Variants in UBQLNL observed in about 807,000 individuals in gnomAD.
UBQLNL encodes the protein ubiquilin like, also known as ubiquilin-like protein.
For missense variants in UBQLNL, 589 were observed against 567.1 expected (o/e 1.04, Z -0.39); for synonymous variants, 223 against 209.7 (o/e 1.06, Z -0.55).
Position 5,516,373 on chromosome 11 carries a change from G to T in UBQLNL, c.69C>A (p.Asp23Glu). The T allele has an allele frequency of 6.2e-7, 1 of 1,614,080 alleles. No homozygotes were observed. The highest frequency in any genetic ancestry group is 8.5e-7 in the Non-Finnish European group (1 of 1,180,002). ...QSGCPSGLLA[D>E]KNISSSATRV... The stretch of plus-strand genomic sequence containing the variant: ...GAGTGGCACTTGAAGAGATATTTTT[G>T]TCTGCCAGCAGACCTGATGGACATC... The change falls in exon 1 of 1, where the codon GAC (aspartate) becomes GAA (glutamate). Residue 23 changes from aspartate (D) to glutamate (E), a missense_variant. By Grantham distance (45) the Asp-to-Glu change is conservative. Transcript: ENST00000380184.
At position 5,515,560 on chromosome 11, in the gene UBQLNL, G is replaced by T. The variant is rs766229949; in HGVS notation, c.882C>A (p.Phe294Leu). Residue 294 changes from phenylalanine to leucine, a missense_variant, in exon 1 of 1, where the codon TTC becomes TTA. Transcript: ENST00000380184. Reference sequence around the variant, plus strand: ...GCACTTGTCCTGCCAGGAGAGCTGTGAAAGGGTTTCCTCCAAAAGGATCTT... The same window carrying T: ...GCACTTGTCCTGCCAGGAGAGCTGTTAAAGGGTTTCCTCCAAAAGGATCTT... ...SMQDPFGGNPFTALLAGQVLE... is the reference protein window; with the variant it reads ...SMQDPFGGNPLTALLAGQVLE... 14 of 1,614,148 alleles carry T rather than the reference G, an allele frequency of 8.7e-6. No individual in the cohort carries two copies. The Admixed American group carries it at 2.2e-4, about 25-fold the overall frequency.
In UBQLNL at chr11:5,515,003, T is replaced by C; in HGVS notation, c.*11A>G. 1 of 1,610,112 alleles carries C rather than the reference T, an allele frequency of 6.2e-7. No individual in the cohort carries two copies. The highest frequency in any genetic ancestry group is 8.5e-7 in the Non-Finnish European group (1 of 1,178,136). On this transcript the variant is annotated 3_prime_UTR_variant, in exon 1 of 1. Coordinates refer to ENST00000380184, the MANE Select transcript of UBQLNL (RefSeq NM_145053.5). ...CAATCTGCAATATTGCTTGGAATGC[T>C]TTAGGGTTGCCTAAGCACTAAGCAG...
In UBQLNL at chr11:5,515,831, A is replaced by G; in HGVS notation, c.611T>C (p.Leu204Ser). The change falls in exon 1 of 1, where the codon TTG becomes TCG. Residue 204 changes from leucine (L) to serine (S), a missense_variant. By Grantham distance (145) the Leu-to-Ser change is moderately radical. Coordinates refer to ENST00000380184, the MANE Select transcript of UBQLNL (RefSeq NM_145053.5). ...GGAAACTTCTGGGTTCTGCTGCATCAATTGTTGCGTGTCTAGATGTTCTGA... is the reference window on the plus strand; with the variant it reads ...GGAAACTTCTGGGTTCTGCTGCATCGATTGTTGCGTGTCTAGATGTTCTGA... The part of the protein sequence containing the change: ...FISEHLDTQQ[L>S]MQQNPEVSRL... 2 of 1,614,110 alleles carry G rather than the reference A, an allele frequency of 1.2e-6. No individual in the cohort carries two copies. The highest frequency in any genetic ancestry group is 1.7e-6 in the Non-Finnish European group (2 of 1,180,014).
At position 5,516,377 on chromosome 11, in the gene UBQLNL, G is replaced by T. The variant is rs1490015493; in HGVS notation, c.65C>A (p.Ala22Glu). Residue 22 changes from alanine (A) to glutamate (E), a missense_variant, in exon 1 of 1, where the codon GCA becomes GAA. Physicochemically the swap from Ala to Glu is moderately radical, Grantham distance 107. Transcript: ENST00000380184. The part of the protein sequence containing the change: ...SQSGCPSGLL[A>E]DKNISSSATR... ...GGCACTTGAAGAGATATTTTTGTCT[G>T]CCAGCAGACCTGATGGACATCCACT... 1.2e-6 allele frequency: 2 copies of T among 1,614,102 alleles called. No individual in the cohort carries two copies. The highest frequency in any genetic ancestry group is 1.7e-6 in the Non-Finnish European group (2 of 1,179,996).
chr11:5,516,202 T>G lies in UBQLNL; in HGVS notation c.240A>C (p.Lys80Asn), dbSNP rs1303213309. Residue 80 changes from lysine to asparagine, a missense_variant, in exon 1 of 1, where the codon AAA (lysine) becomes AAC (asparagine). Physicochemically the swap from Lys to Asn is moderately conservative, Grantham distance 94. Coordinates refer to ENST00000380184, the MANE Select transcript of UBQLNL (RefSeq NM_145053.5). ...CCCTCTGGCTCAGTGTGTCATGGTC[T>G]TTGAGAAGGCAACCCATGAAGACCA... ...LVLVFMGCLL[K>N]DHDTLSQRGI... The G allele has an allele frequency of 2.5e-6, 4 of 1,614,024 alleles. No homozygotes were observed. Among genetic ancestry groups the G allele is most frequent in the Admixed American group, 3.3e-5 (2 of 60,000 alleles).
At position 5,516,231 on chromosome 11, in the gene UBQLNL, C is replaced by T. The variant is rs1846535077; in HGVS notation, c.211G>A (p.Val71Met). 1.2e-6 allele frequency: 2 copies of T among 1,614,144 alleles called. No individual in the cohort carries two copies. The highest frequency in any genetic ancestry group is 1.7e-6 in the Non-Finnish European group (2 of 1,180,038). ...AHFQCQMDQL[V>M]LVFMGCLLKD... Reference sequence around the variant, plus strand: ...AGAAGGCAACCCATGAAGACCAGCACTAGTTGGTCCATCTGGCATTGGAAG... The same window carrying T: ...AGAAGGCAACCCATGAAGACCAGCATTAGTTGGTCCATCTGGCATTGGAAG... The change falls in exon 1 of 1, where the codon GTG becomes ATG. Residue 71 changes from valine (V) to methionine (M), a missense_variant. Val to Met is a conservative substitution (Grantham distance 21, BLOSUM62 1). Coordinates refer to ENST00000380184, the MANE Select transcript of UBQLNL (RefSeq NM_145053.5).
rs16932225 is a variant in UBQLNL, at chr11:5,515,666, C to T, written c.776G>A (p.Gly259Asp). ...ATTCCCACCTGGCATTGTCTCTAAG[C>T]CCAGATATGGCTGTGGGTTCAGTGG... ...EYPLNPQPYL[G>D]LETMPGGNNA... Residue 259 changes from glycine to aspartate, a missense_variant, in exon 1 of 1, where the codon GGC becomes GAC. Transcript: ENST00000380184. 5.0e-3 allele frequency: 8,095 copies of T among 1,614,062 alleles called. 301 individuals carry two copies. The African/African-American group carries it at 0.088, about 18-fold the overall frequency.
In UBQLNL at chr11:5,516,332, G is replaced by C; in HGVS notation, c.110C>G (p.Thr37Ser). The C allele has an allele frequency of 6.2e-6, 10 of 1,614,164 alleles. No individual in the cohort carries two copies. Among genetic ancestry groups the C allele is most frequent in the Non-Finnish European group, 8.5e-6 (10 of 1,180,016 alleles). Residue 37 changes from threonine to serine, a missense_variant, in exon 1 of 1, where the codon ACT (threonine) becomes AGT (serine). Thr to Ser is a moderately conservative substitution (Grantham distance 58, BLOSUM62 1). Transcript: ENST00000380184. ...CATAAAGTCTTTCTGGTTGCCTGCA[G>C]TCTTCACTATCACTCGAGTGGCACT... ...SSSATRVIVK[T>S]AGNQKDFMVA...
chr11:5,515,248 A>T lies in UBQLNL; in HGVS notation c.1194T>A (p.Asp398Glu), dbSNP rs1846512713. Reference sequence around the variant, plus strand: ...TGGAGCTACTTAGAGAAACAGTGGCATCCTTGTATTCTTCTTGAAGCTGCT... The same window carrying T: ...TGGAGCTACTTAGAGAAACAGTGGCTTCCTTGTATTCTTCTTGAAGCTGCT... Reference protein sequence around the residue: ...LTQQLQEEYKDATVSLSSSRQ... With the variant: ...LTQQLQEEYKEATVSLSSSRQ... Residue 398 changes from aspartate (D) to glutamate (E), a missense_variant, in exon 1 of 1, where the codon GAT becomes GAA. Coordinates refer to ENST00000380184, the MANE Select transcript of UBQLNL (RefSeq NM_145053.5). 1 of 1,614,238 alleles carries T rather than the reference A, an allele frequency of 6.2e-7. No individual in the cohort carries two copies. The highest frequency in any genetic ancestry group is 8.5e-7 in the Non-Finnish European group (1 of 1,180,044).
Position 5,515,153 on chromosome 11 carries a change from A to C in UBQLNL, c.1289T>G (p.Met430Arg), listed in dbSNP as rs2133829772. The C allele has an allele frequency of 1.2e-6, 2 of 1,614,234 alleles. No homozygotes were observed. Among genetic ancestry groups the C allele is most frequent in the Middle Eastern group, 1.6e-4 (1 of 6,062 alleles). Residue 430 changes from methionine (M) to arginine (R), a missense_variant, in exon 1 of 1, where the codon ATG becomes AGG. Transcript: ENST00000380184. ...GTAGGGGTTGTTCATAAGCAACTGC[A>C]TCATGCCTCCTGTGATCTGGGAGCT... The part of the protein sequence containing the change: ...QSSSQITGGM[M>R]QLLMNNPYLA...
chr11:5,516,060 T>A lies in UBQLNL; in HGVS notation c.382A>T (p.Thr128Ser). Residue 128 changes from threonine to serine, a missense_variant, in exon 1 of 1, where the codon ACC (threonine) becomes TCC (serine). By Grantham distance (58) the Thr-to-Ser change is moderately conservative. Transcript: ENST00000380184. Reference sequence around the variant, plus strand: ...TGCACTCTGCTGCTGTTTCCTTTGGTGTTTCTGTCCCGGTGGCAGGGATCA... The same window carrying A: ...TGCACTCTGCTGCTGTTTCCTTTGGAGTTTCTGTCCCGGTGGCAGGGATCA... ...TNDPCHRDRN[T>S]KGNSSRVHQP... The A allele has an allele frequency of 6.2e-7, 1 of 1,614,066 alleles. No individual in the cohort carries two copies. Among genetic ancestry groups the A allele is most frequent in the Non-Finnish European group, 8.5e-7 (1 of 1,179,938 alleles).
In UBQLNL at chr11:5,516,210, G is replaced by A. The variant is rs752297736; in HGVS notation, c.232C>T (p.Leu78Phe). 1 of 1,610,640 alleles carries A rather than the reference G, an allele frequency of 6.2e-7. No individual in the cohort carries two copies. The highest frequency in any genetic ancestry group is 8.5e-7 in the Non-Finnish European group (1 of 1,180,004). ...DQLVLVFMGC[L>F]LKDHDTLSQR... Reference sequence around the variant, plus strand: ...CTCAGTGTGTCATGGTCTTTGAGAAGGCAACCCATGAAGACCAGCACTAGT... The same window carrying A: ...CTCAGTGTGTCATGGTCTTTGAGAAAGCAACCCATGAAGACCAGCACTAGT... Residue 78 changes from leucine (L) to phenylalanine (F), a missense_variant, in exon 1 of 1, where the codon CTT becomes TTT. Physicochemically the swap from Leu to Phe is conservative, Grantham distance 22. Coordinates refer to ENST00000380184, the MANE Select transcript of UBQLNL (RefSeq NM_145053.5).
Position 5,516,660 on chromosome 11 carries a change from C to T in UBQLNL, c.-219G>A. 2 of 556,464 alleles carry T rather than the reference C, an allele frequency of 3.6e-6. No homozygotes were observed. The highest frequency in any genetic ancestry group is 3.1e-5 in the East Asian group (1 of 32,554). 34.5% of individuals were successfully genotyped at this position (556,464 alleles called of 1,614,324 possible). A position where few individuals can be genotyped will look rare whatever the true frequency, so the allele number is the denominator to read the frequency against. On this transcript the variant is annotated 5_prime_UTR_variant, in exon 1 of 1. Coordinates refer to ENST00000380184, the MANE Select transcript of UBQLNL (RefSeq NM_145053.5). ...TTCTCCAGATGTGGCCCAGCTGAGG[C>T]CTGGCATAGCTACTGATTCATAATT...
chr11:5,516,353 G>A lies in UBQLNL; in HGVS notation c.89C>T (p.Ala30Val). The change falls in exon 1 of 1, where the codon GCC becomes GTC. Residue 30 changes from alanine to valine, a missense_variant. Transcript: ENST00000380184. The part of the protein sequence containing the change: ...LLADKNISSS[A>V]TRVIVKTAGN... The stretch of plus-strand genomic sequence containing the variant: ...TGCAGTCTTCACTATCACTCGAGTG[G>A]CACTTGAAGAGATATTTTTGTCTGC... The A allele has an allele frequency of 6.2e-7, 1 of 1,614,064 alleles. No individual in the cohort carries two copies. The highest frequency in any genetic ancestry group is 8.5e-7 in the Non-Finnish European group (1 of 1,179,980).
In UBQLNL at chr11:5,516,351, T is replaced by C; in HGVS notation, c.91A>G (p.Thr31Ala). ...CCTGCAGTCTTCACTATCACTCGAG[T>C]GGCACTTGAAGAGATATTTTTGTCT... ...LADKNISSSA[T>A]RVIVKTAGNQ... is the part of the protein sequence containing the mutation. Residue 31 changes from threonine (T) to alanine (A), a missense_variant, in exon 1 of 1, where the codon ACT becomes GCT. By Grantham distance (58) the Thr-to-Ala change is moderately conservative. Transcript: ENST00000380184. The C allele has an allele frequency of 6.2e-7, 1 of 1,614,042 alleles. No homozygotes were observed. Among genetic ancestry groups the C allele is most frequent in the South Asian group, 1.1e-5 (1 of 91,068 alleles).
rs199934212 is a variant in UBQLNL at position 5,515,278 on chromosome 11, A to T, written c.1164T>A (p.Leu388=). ...TGTATTCTTCTTGAAGCTGCTGGGT[A>T]AGCTCTATGCTAGGTAAGGCTGGTA... The part of the protein sequence containing the change: ...AWIPALPSIE[L]TQQLQEEYKD... The change falls in exon 1 of 1, where the codon CTT becomes CTA. Residue 388 remains leucine (L), a synonymous_variant. Transcript: ENST00000380184. 6.2e-7 allele frequency: 1 copy of T among 1,614,202 alleles called. No homozygotes were observed. Among genetic ancestry groups the T allele is most frequent in the East Asian group, 2.2e-5 (1 of 44,876 alleles).
rs766604375 is a variant in UBQLNL at position 5,515,792 on chromosome 11, T to C, written c.650A>G (p.Asp217Gly). 3 of 1,614,134 alleles carry C rather than the reference T, an allele frequency of 1.9e-6. No individual in the cohort carries two copies. The highest frequency in any genetic ancestry group is 4.5e-5 in the East Asian group (2 of 44,862). Reference protein sequence around the residue: ...QNPEVSRLLLDNSEILLQTLE... With the variant: ...QNPEVSRLLLGNSEILLQTLE... Reference sequence around the variant, plus strand: ...AGTCTGCAATAGGATCTCAGAATTATCAAGAAGAAGGCGGGAAACTTCTGG... The same window carrying C: ...AGTCTGCAATAGGATCTCAGAATTACCAAGAAGAAGGCGGGAAACTTCTGG... Residue 217 changes from aspartate to glycine, a missense_variant, in exon 1 of 1, where the codon GAT becomes GGT. Coordinates refer to ENST00000380184, the MANE Select transcript of UBQLNL (RefSeq NM_145053.5).
Position 5,516,615 on chromosome 11 carries a change from A to T in UBQLNL, c.-174T>A. The stretch of plus-strand genomic sequence containing the variant: ...CCAGACTGGGGCCAGATATTTTGTG[A>T]TGTTGTGCCCTCACCCCAGTTCTCC... On this transcript the variant is annotated 5_prime_UTR_variant, in exon 1 of 1. Transcript: ENST00000380184. 1 of 628,950 alleles carries T rather than the reference A, an allele frequency of 1.6e-6. No homozygotes were observed. The highest frequency in any genetic ancestry group is 2.8e-6 in the Non-Finnish European group (1 of 353,146). The allele number at this position is 628,950 out of a possible 1,614,324, so 39.0% of individuals were successfully genotyped here. A position where few individuals can be genotyped will look rare whatever the true frequency, so the allele number is the denominator to read the frequency against.
rs141784196 is a variant in UBQLNL, at chr11:5,515,404, A to G, written c.1038T>C (p.Asn346=). ...SGGFSSNTSA[N]DTLNKVNHTS... The stretch of plus-strand genomic sequence containing the variant: ...TGTGGTTGACCTTGTTAAGGGTGTC[A>G]TTGGCTGAGGTGTTTGAAGAGAAAC... Residue 346 remains asparagine (N), a synonymous_variant, in exon 1 of 1, where the codon AAT becomes AAC. Transcript: ENST00000380184. The G allele has an allele frequency of 1.4e-5, 23 of 1,614,020 alleles. No homozygotes were observed. The African/African-American group carries it at 2.0e-4, about 14-fold the overall frequency.
Sources: gnomAD v4.1 joint callset for allele counts on GRCh38, gnomAD v4.1.1 for gene constraint, MANE v1.5 for transcripts, NCBI Gene and HGNC (gene_info 2026-07-23, HGNC 2026-07-21) for gene names.